Variants in CCPG1 observed in about 807,000 individuals in gnomAD.
CCPG1 encodes the protein cell cycle progression protein 1.
A neutral mutation model predicts 81.3 loss-of-function variants in CCPG1; 46 were observed. The observed-to-expected ratio is 0.57, with a 90% CI of 0.45 to 0.72. The LOEUF is 0.72. Ranked by LOEUF, CCPG1 falls within the 30% of genes least tolerant of loss-of-function variation. The pLI, the probability that CCPG1 is intolerant of heterozygous loss-of-function variation, is 0.00. For synonymous variants in CCPG1, 330 were observed against 305.2 expected (o/e 1.08, Z -0.85); for missense variants, 902 against 937.6 (o/e 0.96, Z 0.50).
chr15:55,400,658 C>T (rs1475035352), intron 1 of CCPG1, among the ~76,000 whole-genome samples: 5 of 152,202 alleles, frequency 3.3e-5, no homozygotes, highest in African/African-American at 4.8e-5. Context: ...TATGAAAGTA[C>T]CTATTTCTCC....
chr15:55,396,870 G>A (rs1379157159), intron 1 of CCPG1, among the ~76,000 whole-genome samples: 1 of 152,118 alleles, frequency 6.6e-6, no homozygotes, highest in African/African-American at 2.4e-5. Context: ...CAGCAAGGAG[G>A]CCTGTGTGGA....
chr15:55,384,136 G>A (rs559724313), intron 3 of CCPG1, among the ~76,000 whole-genome samples: 12 of 152,058 alleles, frequency 7.9e-5, no homozygotes, highest in Non-Finnish European at 1.8e-4. Context: ...GTTATTAATT[G>A]GCCTGATTTC....
At chr15:55,389,274 T>C (rs751543107) in intron 2 of CCPG1, 91 bp downstream of exon 2, 1 of 925,934 alleles carries the variant, frequency 1.1e-6, no homozygotes, top group Non-Finnish European at 1.7e-6. Flanking sequence ...TGCTTAAAGG[T>C]AGAAAAAGAC....
chr15:55,408,176 C>T (rs909271585), intron 1 of CCPG1, 45 bp downstream of exon 1: 1 of 152,472 alleles, frequency 6.6e-6, no homozygotes, highest in African/African-American at 2.4e-5. Context: ...CTCAGACAGT[C>T]GGCACAAACC....
intron 3 of CCPG1, among the ~76,000 whole-genome samples, chr15:55,379,514 G>A (rs77944244): frequency 6.6e-6 from 1 of 152,066 alleles, no homozygotes; most frequent in East Asian, 1.9e-4. Flanking sequence ...ACAAGAGAGT[G>A]TGACTATGTC....
intron 1 of CCPG1, among the ~76,000 whole-genome samples, chr15:55,390,866 G>C (rs1340715738): frequency 6.6e-6 from 1 of 152,150 alleles, no homozygotes; most frequent in Admixed American, 6.5e-5. Context: ...TTAATGTTAT[G>C]ACAAGAGCAT....
intron 8 of CCPG1, chr15:55,357,663 A>G (rs1035946556): frequency 3.3e-5 from 5 of 152,970 alleles, no homozygotes; most frequent in African/African-American, 1.2e-4. Flanking sequence ...CAGCCTGGCC[A>G]ACATGGTGAA....
chr15:55,360,866 G>C lies in CCPG1; in HGVS notation c.907C>G (p.Leu303Val). The C allele has an allele frequency of 6.2e-7, 1 of 1,606,492 alleles. No individual in the cohort carries two copies. The highest frequency in any genetic ancestry group is 8.5e-7 in the Non-Finnish European group (1 of 1,177,858). Reference protein sequence around the residue: ...KMSFETQKTNLATENQYLRVS... With the variant: ...KMSFETQKTNVATENQYLRVS... Reference sequence around the variant, plus strand: ...CTTAAATACTGATTTTCTGTAGCAAGGTTCGTTTTCTGAGTTTCAAAGGAC... The same window carrying C: ...CTTAAATACTGATTTTCTGTAGCAACGTTCGTTTTCTGAGTTTCAAAGGAC... Residue 303 changes from leucine to valine, a missense_variant, in exon 8 of 9, where the codon CTT (leucine) becomes GTT (valine). Coordinates refer to ENST00000442196, the MANE Select transcript of CCPG1 (RefSeq NM_001204450.2).
intron 3 of CCPG1, among the ~76,000 whole-genome samples, chr15:55,382,634 C>A (rs565946003): frequency 1.3e-5 from 2 of 151,956 alleles, no homozygotes; most frequent in Admixed American, 6.6e-5. Context: ...CTCAGCCTCC[C>A]GAGTAGCTGG....
At chr15:55,365,408 G>T in intron 6 of CCPG1, 99 bp from the exon 7 acceptor site, 68 of 620,140 alleles carry the variant, frequency 1.1e-4, no homozygotes, top group Non-Finnish European at 1.4e-4. Flanking sequence ...AAGCTATGTA[G>T]TCTTTTTTTT....
intron 1 of CCPG1, among the ~76,000 whole-genome samples, chr15:55,404,391 C>T (rs2057178796): frequency 6.6e-6 from 1 of 151,952 alleles, no homozygotes; most frequent in South Asian, 2.1e-4. Context: ...ACAATGTAGC[C>T]CTTTACAACA....
chr15:55,395,539 C>A (rs1334511572), intron 1 of CCPG1, among the ~76,000 whole-genome samples: 4 of 152,104 alleles, frequency 2.6e-5, no homozygotes, highest in African/African-American at 9.7e-5. Flanking sequence ...CAGTTCCCCT[C>A]AAAATGCTTG....
chr15:55,374,081 A>C lies in CCPG1; in HGVS notation c.455-2037T>G. On this transcript the variant is annotated intron_variant, in intron 5 of 8. Transcript: ENST00000442196. ...TTGCGGATGACAACAGGTATCTTTA[A>C]AGCACTCGGTAAATAGTAAATGTGA... The C allele has an allele frequency of 8.3e-6, 7 of 840,574 alleles. No homozygotes were observed. In the South Asian group the frequency reaches 9.8e-5, roughly 12 times the overall value. 52.1% of individuals were successfully genotyped at this position (840,574 alleles called of 1,614,324 possible). A position where few individuals can be genotyped will look rare whatever the true frequency, so the allele number is the denominator to read the frequency against.
chr15:55,393,252 T>C (rs2056957075), intron 1 of CCPG1, among the ~76,000 whole-genome samples: 1 of 152,016 alleles, frequency 6.6e-6, no homozygotes. Flanking sequence ...CTGGGCAACA[T>C]AGTGAGACTC....
At chr15:55,402,737 C>A (rs1167445503) in intron 1 of CCPG1, among the ~76,000 whole-genome samples, 1 of 152,134 alleles carries the variant, frequency 6.6e-6, no homozygotes, top group African/African-American at 2.4e-5. Context: ...ATTTCACATT[C>A]AATGTAGTCT....
chr15:55,368,202 A>G (rs1311247598), intron 6 of CCPG1, among the ~76,000 whole-genome samples: 1 of 152,140 alleles, frequency 6.6e-6, no homozygotes, highest in Non-Finnish European at 1.5e-5. Flanking sequence ...TCCCTCATGT[A>G]TATCAAGGGA....
intron 8 of CCPG1, 44 bp from the exon 9 acceptor site, chr15:55,356,453 G>A (rs759413260): frequency 1.3e-4 from 187 of 1,410,500 alleles, no homozygotes; most frequent in Non-Finnish European, 1.6e-4. Flanking sequence ...AGAGTTCAAT[G>A]TATTTAAATT....
chr15:55,364,281 G>T (rs1021255629), intron 7 of CCPG1, among the ~76,000 whole-genome samples: 2 of 150,160 alleles, frequency 1.3e-5, no homozygotes, highest in Non-Finnish European at 3.0e-5. Context: ...GGCAGAAAAA[G>T]ATAACATGCT....
chr15:55,392,606 G>C (rs961812790), intron 1 of CCPG1, among the ~76,000 whole-genome samples: 20 of 151,324 alleles, frequency 1.3e-4, no homozygotes, highest in Non-Finnish European at 2.9e-4. Context: ...TTGCAGCCTT[G>C]ACCTCCCAGG....
Sources: allele counts gnomAD v4.1 joint callset (sites outside exome capture counted in the v4.1 genomes callset), GRCh38; gene constraint gnomAD v4.1.1; transcripts MANE v1.5; gene names NCBI Gene and HGNC (gene_info 2026-07-23, HGNC 2026-07-21).